TUB: variants seen among roughly 807,000 people sequenced by gnomAD.
TUB encodes TUB bipartite transcription factor, also known as tubby protein homolog.
A neutral mutation model predicts 59.7 loss-of-function variants in TUB; 33 were observed. The ratio of observed to expected loss-of-function variants is 0.55; its 90% CI spans 0.42 to 0.74. The LOEUF is 0.74. Among genes scored for constraint, TUB ranks in the 30% least tolerant of loss-of-function variants. The pLI is 0.00. For missense variants in TUB, 659 were observed against 672.0 expected, an observed-to-expected ratio of 0.98 and a Z score of 0.21; for synonymous variants, 293 against 256.4, an observed-to-expected ratio of 1.14 and a Z score of -1.36.
intron 1 of TUB, among the ~76,000 whole-genome samples, chr11:8,039,357 T>C (rs1942704338): frequency 1.3e-5 from 2 of 152,154 alleles, no homozygotes; most frequent in African/African-American, 4.8e-5. Context: ...GGCTCCTCCT[T>C]CCAGCTTCTG....
chr11:8,066,875 G>GA (rs1943253821), intron 2 of TUB, among the ~76,000 whole-genome samples: 1 of 152,132 alleles, frequency 6.6e-6, no homozygotes, highest in Non-Finnish European at 1.5e-5. Context: ...GTCACCCTGG[G>GA]ACAACCCTGG....
rs574124367 is a variant in TUB at position 8,100,614 on chromosome 11, C to G, written c.1215+13C>G. ...CCGCCCCCGCAACGTGAGTGTCTAC[C>G]CCTTCCTCCCCTCTTTCCCCATCAT... On this transcript the variant is annotated intron_variant, in intron 10 of 11. Coordinates refer to ENST00000299506, the MANE Select transcript of TUB (RefSeq NM_177972.3). 1.2e-5 allele frequency: 20 copies of G among 1,608,912 alleles called. No individual in the cohort carries two copies. The South Asian group carries it at 2.0e-4, about 16-fold the overall frequency.
chr11:8,046,098 C>G (rs968795973), intron 2 of TUB, among the ~76,000 whole-genome samples: 2 of 152,134 alleles, frequency 1.3e-5, no homozygotes, highest in African/African-American at 4.8e-5. Context: ...CCCTCCATCC[C>G]TCCTTCTCTT....
At position 8,106,189 on chromosome 11, in the gene TUB, G is replaced by C. The variant is rs1050686460; in HGVS notation, c.*4570G>C. The C allele has an allele frequency of 6.6e-6, 1 of 151,934 alleles. No homozygotes were observed. The highest frequency in any genetic ancestry group is 6.6e-5 in the Admixed American group (1 of 15,260). 9.4% of individuals were successfully genotyped at this position (151,934 alleles called of 1,614,324 possible). Reference sequence around the variant, plus strand: ...GACATTATGTATGTTGTAGAATTTAGTGTTTGTCTAAGTACACACATATAT... The same window carrying C: ...GACATTATGTATGTTGTAGAATTTACTGTTTGTCTAAGTACACACATATAT... On this transcript the variant is annotated 3_prime_UTR_variant, in exon 12 of 12. Coordinates refer to ENST00000299506, the MANE Select transcript of TUB (RefSeq NM_177972.3).
At chr11:8,039,751 G>A (rs938682848) in intron 2 of TUB, 2 of 1,400,812 alleles carry the variant, frequency 1.4e-6, no homozygotes, top group Non-Finnish European at 1.9e-6. Flanking sequence ...ACAGGAGACT[G>A]TGAGGGAGGT....
Position 8,101,834 on chromosome 11 carries a change from GGATGAGAATA to G in TUB, c.*216_*225del. 1 of 703,244 alleles carries G rather than the reference GGATGAGAATA, an allele frequency of 1.4e-6. No individual in the cohort carries two copies. 43.6% of individuals were successfully genotyped at this position (703,244 alleles called of 1,614,324 possible). A position where few individuals can be genotyped will look rare whatever the true frequency, so the allele number is the denominator to read the frequency against. On this transcript the variant is annotated 3_prime_UTR_variant, in exon 12 of 12. Transcript: ENST00000299506. Reference sequence around the variant, plus strand: ...GGAGAGCGGGTGGGTGGGTGTGAAGGGATGAGAATAATTCTTTCCATGCCACGAGATCAAC... The same window carrying G: ...GGAGAGCGGGTGGGTGGGTGTGAAGGATTCTTTCCATGCCACGAGATCAAC...
At chr11:8,093,951 C>CA (rs1249837041) in intron 3 of TUB, 95 bp from the exon 4 acceptor site, 10 of 1,516,122 alleles carry the variant, frequency 6.6e-6, no homozygotes, top group Non-Finnish European at 9.1e-6. Context: ...GGGGTGCAGT[C>CA]AAAAATGCTG....
At chr11:8,032,857 C>A (rs1942595357) in intron 1 of TUB, among the ~76,000 whole-genome samples, 2 of 152,174 alleles carry the variant, frequency 1.3e-5, no homozygotes, top group Non-Finnish European at 2.9e-5. Flanking sequence ...TTGCCTGACC[C>A]CAAGTTGTCA....
chr11:8,040,067 G>T (rs1942721937), intron 2 of TUB, among the ~76,000 whole-genome samples: 1 of 152,142 alleles, frequency 6.6e-6, no homozygotes, highest in African/African-American at 2.4e-5. Flanking sequence ...CATAGCCTAG[G>T]ACCACAGAGG....
intron 1 of TUB, among the ~76,000 whole-genome samples, chr11:8,033,364 T>C (rs575245182): frequency 6.6e-6 from 1 of 152,190 alleles, no homozygotes; most frequent in Non-Finnish European, 1.5e-5. Flanking sequence ...ACTCTCTAGG[T>C]GTCCGCCCCA....
chr11:8,060,983 A>T (rs1317373922), intron 2 of TUB, among the ~76,000 whole-genome samples: 1 of 152,180 alleles, frequency 6.6e-6, no homozygotes, highest in African/African-American at 2.4e-5. Flanking sequence ...TCATCAGTGG[A>T]TGCCGCTCAG....
At chr11:8,094,482 C>G (rs1231919303) in intron 4 of TUB, among the ~76,000 whole-genome samples, 1 of 152,194 alleles carries the variant, frequency 6.6e-6, no homozygotes, top group Non-Finnish European at 1.5e-5. Context: ...CCTGAGCACC[C>G]TTTATCATGA....
chr11:8,063,614 C>T (rs1010267486), intron 2 of TUB, among the ~76,000 whole-genome samples: 1 of 152,202 alleles, frequency 6.6e-6, no homozygotes, highest in Admixed American at 6.5e-5. Flanking sequence ...AGTGCTGAAC[C>T]TTTGGGCTCC....
At chr11:8,057,006 C>T (rs969728159) in intron 2 of TUB, among the ~76,000 whole-genome samples, 3 of 152,150 alleles carry the variant, frequency 2.0e-5, no homozygotes, top group African/African-American at 7.2e-5. Context: ...AGAGTGGAAA[C>T]AAGCTGGCTG....
In TUB at chr11:8,104,564, G is replaced by A. The variant is rs924852783; in HGVS notation, c.*2945G>A. The A allele has an allele frequency of 6.6e-6, 1 of 152,200 alleles. No homozygotes were observed. The highest frequency in any genetic ancestry group is 2.4e-5 in the African/African-American group (1 of 41,460). 9.4% of individuals were successfully genotyped at this position (152,200 alleles called of 1,614,324 possible). A position where few individuals can be genotyped will look rare whatever the true frequency, so the allele number is the denominator to read the frequency against. Reference sequence around the variant, plus strand: ...TAAGGATGTTGTTATGATCGCCTGTGGATTTTGTCCATTCATCTCATGCTC... The same window carrying A: ...TAAGGATGTTGTTATGATCGCCTGTAGATTTTGTCCATTCATCTCATGCTC... On this transcript the variant is annotated 3_prime_UTR_variant, in exon 12 of 12. Coordinates refer to ENST00000299506, the MANE Select transcript of TUB (RefSeq NM_177972.3).
upstream of TUB, among the ~76,000 whole-genome samples, chr11:8,034,892 CA>C (rs140703774): frequency 6.8e-4 from 103 of 152,346 alleles, no homozygotes; most frequent in East Asian, 0.019. Context: ...TGCTCCCCAG[CA>C]GCAATATTCA....
intron 3 of TUB, among the ~76,000 whole-genome samples, chr11:8,090,919 G>T (rs1943759003): frequency 6.6e-6 from 1 of 151,850 alleles, no homozygotes; most frequent in Admixed American, 6.6e-5. Flanking sequence ...GGGGTTGGGG[G>T]TCTCTGAGCT....
At chr11:8,100,411 A>G in intron 9 of TUB, 92 bp from the exon 10 acceptor site, 1 of 962,282 alleles carries the variant, frequency 1.0e-6, no homozygotes, top group Non-Finnish European at 1.6e-6. Context: ...AGATGGTGGG[A>G]ACTAGCTCTT....
intron 2 of TUB, among the ~76,000 whole-genome samples, chr11:8,058,373 C>T (rs553459482): frequency 3.8e-4 from 58 of 152,268 alleles, no homozygotes; most frequent in African/African-American, 1.2e-3. Flanking sequence ...GCCACGTGAC[C>T]GTGCACTGCT....
Sources: allele counts gnomAD v4.1 joint callset (sites outside exome capture counted in the v4.1 genomes callset), GRCh38; gene constraint gnomAD v4.1.1; transcripts MANE v1.5; gene names NCBI Gene and HGNC (gene_info 2026-07-23, HGNC 2026-07-21).